The following ABCA6 variants were observed in gnomAD, a reference collection of about 807,000 sequenced individuals.
The protein encoded by ABCA6 is ATP-binding cassette sub-family A member 6.
A neutral mutation model predicts 191.2 loss-of-function variants in ABCA6; 164 were observed. The observed-to-expected ratio is 0.86, with a 90% confidence interval of 0.76 to 0.98. The LOEUF (loss-of-function observed/expected upper bound fraction) is 0.98, where lower values mean the gene tolerates loss of function less well. ABCA6 is among the 50% of genes least tolerant of loss of function. ABCA6 has a pLI of 0.00. For missense variants in ABCA6, 1,958 were observed against 1,894.1 expected, an observed-to-expected ratio of 1.03 and a Z score of -0.63; for synonymous variants, 636 against 647.7, an observed-to-expected ratio of 0.98 and a Z score of 0.27.
intron 10 of ABCA6, 30 bp downstream of exon 10, chr17:69,123,208 AT>A: frequency 7.5e-7 from 1 of 1,334,716 alleles, no homozygotes; most frequent in Non-Finnish European, 9.8e-7. Flanking sequence ...CCTTGTGCTC[AT>A]GCATTAGTAT....
At position 69,113,246 on chromosome 17, in the gene ABCA6, T is replaced by C. The variant is rs1352116095; in HGVS notation, c.2017A>G (p.Met673Val). ...DHVILFSTQS[M>V]DEADILADRK... The stretch of plus-strand genomic sequence containing the variant: ...CCAGCCAGGATGTCAGCCTCATCCA[T>C]GGACTGGGTACTGAAAAGGATCACA... The change falls in exon 15 of 39, where the codon ATG (methionine) becomes GTG (valine). Residue 673 changes from methionine to valine, a missense_variant. Coordinates refer to ENST00000284425, the MANE Select transcript of ABCA6 (RefSeq NM_080284.3). 3 of 1,605,044 alleles carry C rather than the reference T, an allele frequency of 1.9e-6. No individual in the cohort carries two copies. The highest frequency in any genetic ancestry group is 2.5e-6 in the Non-Finnish European group (3 of 1,177,116).
chr17:69,102,115 G>GCGGGAGGATCACCCAAGGT (rs1256328658), intron 21 of ABCA6, among the ~76,000 whole-genome samples: 1 of 152,166 alleles, frequency 6.6e-6, no homozygotes, highest in African/African-American at 2.4e-5. Context: ...GGAGGCCAAG[G>GCGGGAGGATCACCCAAGGT]CGGGAGGATC....
chr17:69,079,861 A>G (rs750246047), intron 37 of ABCA6, among the ~76,000 whole-genome samples: 6 of 152,356 alleles, frequency 3.9e-5, no homozygotes, highest in Non-Finnish European at 7.3e-5. Flanking sequence ...TTAAATACAC[A>G]AGCACTGCAT....
In ABCA6 at chr17:69,087,440, A is replaced by C; in HGVS notation, c.3732T>G (p.Asn1244Lys). ...CATCTTCATCTATGGGTTCTTCTGG[A>C]TTTGGCTTAGCATCTCTACTTTGGG... ...ISPQSRDAKPNPEEPIDEDED... is the reference protein window; with the variant it reads ...ISPQSRDAKPKPEEPIDEDED... Residue 1244 changes from asparagine (N) to lysine (K), a missense_variant, in exon 29 of 39, where the codon AAT (asparagine) becomes AAG (lysine). Asn to Lys is a moderately conservative substitution (Grantham distance 94). Transcript: ENST00000284425. The C allele has an allele frequency of 1.2e-6, 2 of 1,613,854 alleles. No homozygotes were observed. The highest frequency in any genetic ancestry group is 1.7e-6 in the Non-Finnish European group (2 of 1,179,876).
At chr17:69,095,998 GGACGTTTCA>G (rs1598452386) in intron 25 of ABCA6, among the ~76,000 whole-genome samples, 1 of 152,186 alleles carries the variant, frequency 6.6e-6, no homozygotes, top group Non-Finnish European at 1.5e-5. Flanking sequence ...AAACTCAACA[GGACGTTTCA>G]GACGTCAGGT....
Position 69,137,350 on chromosome 17 carries a change from A to G in ABCA6, c.247T>C (p.Ser83Pro). 2 of 1,613,666 alleles carry G rather than the reference A, an allele frequency of 1.2e-6. No individual in the cohort carries two copies. Among genetic ancestry groups the G allele is most frequent in the Non-Finnish European group, 1.7e-6 (2 of 1,179,740 alleles). ...SSLMVVYTPISNLTQQIMNKT... is the reference protein window; with the variant it reads ...SSLMVVYTPIPNLTQQIMNKT... ...TTCATTATCTGCTGGGTTAAATTAGATATTGGTGTATACACAACCATTAAA... is the reference window on the plus strand; with the variant it reads ...TTCATTATCTGCTGGGTTAAATTAGGTATTGGTGTATACACAACCATTAAA... Residue 83 changes from serine to proline, a missense_variant, in exon 3 of 39, where the codon TCT becomes CCT. Ser to Pro is a moderately conservative substitution (Grantham distance 74). Transcript: ENST00000284425.
In ABCA6 at chr17:69,100,850, G is replaced by A; in HGVS notation, c.2959C>T (p.Gln987Ter). ...LMNIISNGLL[Q>*]MFNHTQHIRI... ...ATATGTTGTGTGTGATTAAACATTT[G>A]AAGTAGCCCATTGCTGATAATATTC... Residue 987 changes from glutamine to a stop codon, truncating the protein, a stop_gained, in exon 22 of 39, where the codon CAA becomes TAA. Transcript: ENST00000284425. LOFTEE classifies it high-confidence loss of function. 1 of 1,612,854 alleles carries A rather than the reference G, an allele frequency of 6.2e-7. No individual in the cohort carries two copies. The highest frequency in any genetic ancestry group is 8.5e-7 in the Non-Finnish European group (1 of 1,179,422).
At chr17:69,116,067 G>A (rs2073532636) in intron 11 of ABCA6, among the ~76,000 whole-genome samples, 1 of 152,030 alleles carries the variant, frequency 6.6e-6, no homozygotes, top group Non-Finnish European at 1.5e-5. Context: ...ATGTTGCCCA[G>A]GCTGGTTTCA....
intron 16 of ABCA6, 37 bp from the exon 17 acceptor site, chr17:69,110,977 T>G: frequency 6.5e-7 from 1 of 1,549,254 alleles, no homozygotes; most frequent in Non-Finnish European, 8.7e-7. Context: ...ATTTGCATTT[T>G]CTCCACCACT....
intron 10 of ABCA6, among the ~76,000 whole-genome samples, chr17:69,122,365 G>C (rs2144691915): frequency 6.6e-6 from 1 of 152,138 alleles, no homozygotes. Flanking sequence ...AATCTACAAA[G>C]CTATTTTGAA....
At chr17:69,128,461 CT>C (rs759294774) in intron 8 of ABCA6, among the ~76,000 whole-genome samples, 157 bp downstream of exon 8, 12 of 146,474 alleles carry the variant, frequency 8.2e-5, no homozygotes, top group South Asian at 2.2e-4. Flanking sequence ...TGTGAGGTGA[CT>C]TTTTTTTTTA....
chr17:69,082,983 G>C lies in ABCA6; in HGVS notation c.4506C>G (p.Asn1502Lys). 1 of 1,614,164 alleles carries C rather than the reference G, an allele frequency of 6.2e-7. No individual in the cohort carries two copies. The highest frequency in any genetic ancestry group is 8.5e-7 in the Non-Finnish European group (1 of 1,180,018). ...RCIGSIQHLKNKLGKDYILEL... is the reference protein window; with the variant it reads ...RCIGSIQHLKKKLGKDYILEL... Reference sequence around the variant, plus strand: ...CTAGAATGTAATCCTTGCCAAGTTTGTTTTTCAGGTGTTGGATGGAGCCAA... The same window carrying C: ...CTAGAATGTAATCCTTGCCAAGTTTCTTTTTCAGGTGTTGGATGGAGCCAA... Residue 1502 changes from asparagine (N) to lysine (K), a missense_variant, in exon 36 of 39, where the codon AAC (asparagine) becomes AAG (lysine). Coordinates refer to ENST00000284425, the MANE Select transcript of ABCA6 (RefSeq NM_080284.3).
rs145847852 is a variant in ABCA6 at position 69,114,470 on chromosome 17, C to T, written c.1782+292G>A. On this transcript the variant is annotated intron_variant, in intron 13 of 38. Transcript: ENST00000284425. Reference sequence around the variant, plus strand: ...AGGAGATATACCTAATGTTAAATGACGAGTTACTGGGTGCAGCACACCAAC... The same window carrying T: ...AGGAGATATACCTAATGTTAAATGATGAGTTACTGGGTGCAGCACACCAAC... Among the ~76,000 whole-genome samples, 646 of 151,782 alleles carry T rather than the reference C, an allele frequency of 4.3e-3. 5 individuals are homozygous for T. The highest frequency in any genetic ancestry group is 0.014 in the African/African-American group (600 of 41,380).
chr17:69,078,957 T>C lies in ABCA6; in HGVS notation c.*16A>G, dbSNP rs2050515575. 2 of 1,539,870 alleles carry C rather than the reference T, an allele frequency of 1.3e-6. No individual in the cohort carries two copies. The highest frequency in any genetic ancestry group is 2.8e-5 in the African/African-American group (2 of 72,244). ...AGTTTATAGGAGATCAACAAAAAAT[T>C]ACTAGGTTTGAGGTTTTAAGGTTCA... On this transcript the variant is annotated 3_prime_UTR_variant, in exon 39 of 39. Coordinates refer to ENST00000284425, the MANE Select transcript of ABCA6 (RefSeq NM_080284.3).
Position 69,106,178 on chromosome 17 carries a change from T to C in ABCA6, c.2423A>G (p.Glu808Gly). The C allele has an allele frequency of 1.2e-6, 2 of 1,613,446 alleles. No individual in the cohort carries two copies. Among genetic ancestry groups the C allele is most frequent in the Non-Finnish European group, 1.7e-6 (2 of 1,179,672 alleles). Residue 808 changes from glutamate to glycine, a missense_variant, in exon 19 of 39, where the codon GAA becomes GGA. Physicochemically the swap from Glu to Gly is moderately conservative, Grantham distance 98. Coordinates refer to ENST00000284425, the MANE Select transcript of ABCA6 (RefSeq NM_080284.3). The part of the protein sequence containing the change: ...FEQVEMIRDS[E>G]SLNEMELAHS... ...AGCCAGCTCCATTTCATTGAGGCTT[T>C]CTGAGTCTCTTATCATCTCCACTTG... is the stretch of plus-strand genomic sequence containing the variant.
chr17:69,106,522 G>A (rs571515582), intron 18 of ABCA6, among the ~76,000 whole-genome samples: 1 of 151,358 alleles, frequency 6.6e-6, no homozygotes, highest in Admixed American at 6.6e-5. Flanking sequence ...GAACCTGGGA[G>A]GGGGAGGTTG....
chr17:69,096,270 G>A lies in ABCA6; in HGVS notation c.3378C>T (p.Asn1126=). 1 of 1,521,488 alleles carries A rather than the reference G, an allele frequency of 6.6e-7. No individual in the cohort carries two copies. The highest frequency in any genetic ancestry group is 8.8e-7 in the Non-Finnish European group (1 of 1,132,500). The allele number at this position is 1,521,488 out of a possible 1,614,324, so 94.2% of individuals were successfully genotyped here. The part of the protein sequence containing the change: ...ISFIFRKRRK[N]SGLWSFYFFF... ...AGAAGTAAAATGACCAAAGGCCACT[G>A]TTTTTTCTCCTTTTGCGAAAAATAA... The change falls in exon 25 of 39, where the codon AAC becomes AAT. Residue 1126 remains asparagine (N), a synonymous_variant. Coordinates refer to ENST00000284425, the MANE Select transcript of ABCA6 (RefSeq NM_080284.3).
intron 28 of ABCA6, 92 bp from the exon 29 acceptor site, chr17:69,087,565 C>T: frequency 6.6e-7 from 1 of 1,514,818 alleles, no homozygotes; most frequent in East Asian, 2.3e-5. Flanking sequence ...CTACTGTCCT[C>T]TTCTCTAATG....
intron 11 of ABCA6, 91 bp from the exon 12 acceptor site, chr17:69,115,577 T>G: frequency 1.3e-6 from 1 of 786,098 alleles, no homozygotes; most frequent in South Asian, 2.3e-5. Flanking sequence ...CAAGGCTATT[T>G]AGTTTAGTGG....
Sources: gnomAD v4.1 joint callset for allele counts (sites outside exome capture counted in the v4.1 genomes callset) on GRCh38, gnomAD v4.1.1 for gene constraint, MANE v1.5 for transcripts, NCBI Gene and HGNC (gene_info 2026-07-23, HGNC 2026-07-21) for gene names.